SIPA1L1: variants seen among roughly 807,000 people sequenced by gnomAD.
SIPA1L1 encodes the protein signal induced proliferation associated 1 like 1, also known as signal-induced proliferation-associated 1-like protein 1.
Under a neutral mutation model 162.7 loss-of-function variants are expected in SIPA1L1, and 26 were observed. That is an observed-to-expected ratio of 0.16 (90% CI 0.12 to 0.22). The LOEUF (loss-of-function observed/expected upper bound fraction) is 0.22, where lower values mean the gene tolerates loss of function less well. Ranked by LOEUF, SIPA1L1 falls within the 10% of genes least tolerant of loss-of-function variation. The pLI, the probability that SIPA1L1 is intolerant of heterozygous loss-of-function variation, is 1.00. For synonymous variants in SIPA1L1, 829 were observed against 837.4 expected (o/e 0.99, Z 0.17); for missense variants, 1,874 against 2,241.0 (o/e 0.84, Z 3.31).
intron 2 of SIPA1L1, among the ~76,000 whole-genome samples, chr14:71,440,148 C>G (rs2044720630): frequency 6.6e-6 from 1 of 152,110 alleles, no homozygotes; most frequent in African/African-American, 2.4e-5. Flanking sequence ...GCCTCAGTCT[C>G]CTGAGTAGCT....
chr14:71,482,710 T>A (rs558509432), intron 2 of SIPA1L1, among the ~76,000 whole-genome samples: 24 of 152,234 alleles, frequency 1.6e-4, no homozygotes, highest in Non-Finnish European at 2.8e-4. Context: ...GCTTTCTGAA[T>A]GATCTTATGG....
At chr14:71,599,146 TC>T (rs1414301289) in intron 5 of SIPA1L1, among the ~76,000 whole-genome samples, 2 of 99,628 alleles carry the variant, frequency 2.0e-5, no homozygotes, top group Non-Finnish European at 3.7e-5. Context: ...ATGATTTCAT[TC>T]TTTTTTTTTT....
chr14:71,548,011 A>G (rs1210608695), intron 4 of SIPA1L1, among the ~76,000 whole-genome samples: 3 of 152,202 alleles, frequency 2.0e-5, no homozygotes, highest in African/African-American at 4.8e-5. Flanking sequence ...CCATAATGAC[A>G]TCACAGAATA....
At chr14:71,591,295 G>C (rs1230081628) in intron 5 of SIPA1L1, among the ~76,000 whole-genome samples, 1 of 119,052 alleles carries the variant, frequency 8.4e-6, no homozygotes, top group Non-Finnish European at 1.7e-5. Context: ...TTATTTTCCA[G>C]TTGAGAAAAC....
chr14:71,417,923 T>C (rs1158172801), intron 2 of SIPA1L1, among the ~76,000 whole-genome samples: 1 of 152,212 alleles, frequency 6.6e-6, no homozygotes, highest in Non-Finnish European at 1.5e-5. Flanking sequence ...ACTTCAGAAT[T>C]ATTTTGTTAC....
chr14:71,711,292 G>C (rs1160919706), intron 17 of SIPA1L1, among the ~76,000 whole-genome samples: 1 of 152,236 alleles, frequency 6.6e-6, no homozygotes, highest in Non-Finnish European at 1.5e-5. Context: ...GTGGGCATCA[G>C]ATGCCATAAC....
At chr14:71,445,362 G>T (rs1369967948) in intron 2 of SIPA1L1, among the ~76,000 whole-genome samples, 1 of 152,072 alleles carries the variant, frequency 6.6e-6, no homozygotes, top group African/African-American at 2.4e-5. Context: ...ATCAGCTGGA[G>T]CTGAAATTTA....
intron 5 of SIPA1L1, among the ~76,000 whole-genome samples, chr14:71,607,754 T>A (rs2037700592): frequency 6.6e-6 from 1 of 152,212 alleles, no homozygotes; most frequent in Non-Finnish European, 1.5e-5. Flanking sequence ...GTGCCCAGCA[T>A]GCAAAAGCAC....
intron 2 of SIPA1L1, among the ~76,000 whole-genome samples, chr14:71,397,391 T>C (rs1419077430): frequency 6.6e-6 from 1 of 152,116 alleles, no homozygotes; most frequent in African/African-American, 2.4e-5. Flanking sequence ...AGCAATCTTA[T>C]TAACTAGTAT....
intron 7 of SIPA1L1, among the ~76,000 whole-genome samples, chr14:71,648,595 C>T (rs555924723): frequency 2.6e-5 from 4 of 152,210 alleles, no homozygotes; most frequent in African/African-American, 9.6e-5. Flanking sequence ...AATGTATGAC[C>T]CATATAGTAA....
At chr14:71,515,015 C>T (rs1390896937) in intron 3 of SIPA1L1, among the ~76,000 whole-genome samples, 2 of 152,142 alleles carry the variant, frequency 1.3e-5, no homozygotes, top group Admixed American at 1.3e-4. Flanking sequence ...CATGTTTATC[C>T]TACTTGTCTG....
intron 7 of SIPA1L1, among the ~76,000 whole-genome samples, chr14:71,639,432 A>G (rs1040278333): frequency 6.6e-6 from 1 of 152,164 alleles, no homozygotes; most frequent in African/African-American, 2.4e-5. Context: ...ACCTAAATAA[A>G]TGGAGAGGCA....
rs775042776 is a variant in SIPA1L1, at chr14:71,543,392, T to C, written c.-303+14022T>C. 7.4e-4 allele frequency among the ~76,000 whole-genome samples: 112 copies of C among 152,234 alleles called. 1 individual carries two copies. Among genetic ancestry groups the C allele is most frequent in the Admixed American group, 3.9e-4 (6 of 15,286 alleles). On this transcript the variant is annotated intron_variant, in intron 4 of 23. Transcript: ENST00000381232. ...TGTTGACATGGAATTTCATTTCTCTTGGGTGATACCTAGGAAGAGAATAAT... is the reference window on the plus strand; with the variant it reads ...TGTTGACATGGAATTTCATTTCTCTCGGGTGATACCTAGGAAGAGAATAAT...
chr14:71,693,844 C>T (rs1300389268), intron 13 of SIPA1L1, among the ~76,000 whole-genome samples: 1 of 151,418 alleles, frequency 6.6e-6, no homozygotes, highest in Non-Finnish European at 1.5e-5. Flanking sequence ...TGGTAAAATG[C>T]TGTGCTTAAT....
At chr14:71,329,548 C>T (rs1479721088) in intron 2 of SIPA1L1, among the ~76,000 whole-genome samples, 1 of 152,028 alleles carries the variant, frequency 6.6e-6, no homozygotes, top group East Asian at 1.9e-4. Flanking sequence ...TCAAGCAATC[C>T]TCCTGCCTCA....
intron 2 of SIPA1L1, among the ~76,000 whole-genome samples, chr14:71,350,175 T>G (rs2036555552): frequency 6.6e-6 from 1 of 151,958 alleles, no homozygotes; most frequent in East Asian, 1.9e-4. Flanking sequence ...GCTGGGATTA[T>G]AGGCGTGAGC....
chr14:71,546,896 C>G (rs1297133532), intron 4 of SIPA1L1, among the ~76,000 whole-genome samples: 3 of 152,104 alleles, frequency 2.0e-5, no homozygotes, highest in African/African-American at 7.2e-5. Flanking sequence ...GTTGATTGTA[C>G]CACTTATTTT....
At chr14:71,323,029 A>G (rs748010636) in intron 2 of SIPA1L1, among the ~76,000 whole-genome samples, 1 of 152,260 alleles carries the variant, frequency 6.6e-6, no homozygotes, top group Non-Finnish European at 1.5e-5. Context: ...GATACTTTGT[A>G]CTGAGATTCA....
intron 2 of SIPA1L1, among the ~76,000 whole-genome samples, chr14:71,418,487 C>T (rs868200684): frequency 3.9e-5 from 6 of 152,258 alleles, no homozygotes; most frequent in Non-Finnish European, 7.4e-5. Context: ...AGCTCAGCCC[C>T]ACCCCCTACT....
Sources: gnomAD v4.1 joint callset for allele counts (sites outside exome capture counted in the v4.1 genomes callset) on GRCh38, gnomAD v4.1.1 for gene constraint, MANE v1.5 for transcripts, NCBI Gene and HGNC (gene_info 2026-07-23, HGNC 2026-07-21) for gene names.